MTCH2: variants seen among roughly 807,000 people sequenced by gnomAD.
The protein encoded by MTCH2 is mitochondrial carrier homolog 2.
MTCH2 carries 25 observed loss-of-function variants against 50.6 expected under a neutral mutation model. The ratio of observed to expected loss-of-function variants is 0.49; its 90% CI spans 0.36 to 0.69. The LOEUF is 0.69. Ranked by LOEUF, MTCH2 falls within the 30% of genes least tolerant of loss-of-function variation. The pLI is 0.00. For missense variants in MTCH2, 273 were observed against 384.4 expected, an observed-to-expected ratio of 0.71 and a Z score of 2.42; for synonymous variants, 106 against 132.0, an observed-to-expected ratio of 0.80 and a Z score of 1.35.
chr11:47,616,485 G>A (rs1008682473), downstream of MTCH2, among the ~76,000 whole-genome samples: 5 of 151,122 alleles, frequency 3.3e-5, no homozygotes, highest in African/African-American at 7.3e-5. Flanking sequence ...CTACAGGTGC[G>A]TGCCACCATG....
intron 8 of MTCH2, 88 bp downstream of exon 8, chr11:47,630,467 C>T: frequency 1.7e-6 from 2 of 1,177,822 alleles, no homozygotes; most frequent in Admixed American, 1.8e-5. Flanking sequence ...ACGTTTTCCC[C>T]AAGGATTAAA....
At chr11:47,614,877 CTTTTA>C (rs2097287444), downstream of MTCH2, among the ~76,000 whole-genome samples, 1 of 151,896 alleles carries the variant, frequency 6.6e-6, no homozygotes, top group Non-Finnish European at 1.5e-5. Flanking sequence ...CGCACCCAGT[CTTTTA>C]TTTTAATATA....
rs1319800776 is a variant in MTCH2 at position 47,628,981 on chromosome 11, AG to A, written c.604del (p.Leu202SerfsTer14). 6.2e-7 allele frequency: 1 copy of A among 1,613,882 alleles called. No individual in the cohort carries two copies. Among genetic ancestry groups the A allele is most frequent in the Non-Finnish European group, 8.5e-7 (1 of 1,179,920 alleles). ...SLWLCNSLAYLVNTYALDSGV... is the reference protein window; with the variant it reads ...SLWLCNSLAYXVNTYALDSGV... ...ACTGTCCAGTGCATAGGTATTGACGAGGTAGGCCAGTGAGTTACACAGCCAC... is the reference window on the plus strand; with the variant it reads ...ACTGTCCAGTGCATAGGTATTGACGAGTAGGCCAGTGAGTTACACAGCCAC... On this transcript the variant is annotated frameshift_variant, in exon 9 of 13. Transcript: ENST00000302503. LOFTEE classifies it high-confidence loss of function.
chr11:47,625,254 C>T (rs1402156490), intron 11 of MTCH2, among the ~76,000 whole-genome samples: 1 of 151,698 alleles, frequency 6.6e-6, no homozygotes, highest in African/African-American at 2.4e-5. Flanking sequence ...AACCCTGTCT[C>T]TACCAAAAAT....
chr11:47,624,960 T>C (rs1202140777), intron 11 of MTCH2, among the ~76,000 whole-genome samples: 2 of 151,908 alleles, frequency 1.3e-5, no homozygotes, highest in Admixed American at 1.3e-4. Context: ...TGGTGGCACA[T>C]GCCTGTAATC....
intron 5 of MTCH2, among the ~76,000 whole-genome samples, chr11:47,632,284 G>T (rs1172202922): frequency 6.6e-6 from 1 of 151,716 alleles, no homozygotes; most frequent in Non-Finnish European, 1.5e-5. Context: ...AAGTAATAAA[G>T]AAAATTAAAT....
At chr11:47,621,195 G>A (rs973941018) in intron 12 of MTCH2, among the ~76,000 whole-genome samples, 2 of 152,132 alleles carry the variant, frequency 1.3e-5, no homozygotes, top group African/African-American at 4.8e-5. Flanking sequence ...GGCTTTGTGG[G>A]CACACTAAGC....
the MTCH2 span, among the ~76,000 whole-genome samples, chr11:47,611,800 T>A: frequency 3.9e-5 from 6 of 152,146 alleles, no homozygotes; most frequent in African/African-American, 1.4e-4. Flanking sequence ...TTTTTCAGAG[T>A]TGCAATAAGA....
intron 9 of MTCH2, 30 bp from the exon 10 acceptor site, chr11:47,627,157 T>A: frequency 6.9e-7 from 1 of 1,447,502 alleles, no homozygotes; most frequent in Non-Finnish European, 9.6e-7. Context: ...TTAAATTAAT[T>A]ACCTACAACA....
the MTCH2 span, among the ~76,000 whole-genome samples, chr11:47,609,124 CA>C: frequency 8.9e-5 from 8 of 89,906 alleles, no homozygotes; most frequent in Admixed American, 1.4e-4. Flanking sequence ...AACTCTGTCT[CA>C]AAAAAAAAAA....
At chr11:47,638,301 C>T (rs1020942102) in intron 3 of MTCH2, among the ~76,000 whole-genome samples, 1 of 147,358 alleles carries the variant, frequency 6.8e-6, no homozygotes, top group Non-Finnish European at 1.5e-5. Flanking sequence ...GTGGCTCATG[C>T]TTGTAATCCC....
chr11:47,639,070 A>G lies in MTCH2; in HGVS notation c.88-19T>C, dbSNP rs1021517181. The G allele has an allele frequency of 2.6e-6, 4 of 1,559,572 alleles. No homozygotes were observed. The highest frequency in any genetic ancestry group is 4.5e-5 in the East Asian group (2 of 44,398). ...ATCCCACCTTTAAAAACAATGGAAT[A>G]TATCAATATTAAAGCAATATTTCCA... On this transcript the variant is annotated intron_variant, in intron 1 of 12. Transcript: ENST00000302503.
At chr11:47,638,488 G>C in intron 3 of MTCH2, among the ~76,000 whole-genome samples, 1 of 123,668 alleles carries the variant, frequency 8.1e-6, no homozygotes, top group Non-Finnish European at 1.7e-5. Context: ...GGAGTTTGCA[G>C]TGAGCCCAGA....
In MTCH2 at chr11:47,617,409, T is replaced by C. The variant is rs537705550; in HGVS notation, c.*1424A>G. The C allele has an allele frequency of 4.5e-4, 68 of 152,304 alleles. No individual in the cohort carries two copies. The highest frequency in any genetic ancestry group is 1.6e-3 in the African/African-American group (66 of 41,570). 9.4% of individuals were successfully genotyped at this position (152,304 alleles called of 1,614,324 possible). On this transcript the variant is annotated 3_prime_UTR_variant, in exon 13 of 13. Coordinates refer to ENST00000302503, the MANE Select transcript of MTCH2 (RefSeq NM_014342.4). ...ATTAAAACAAATGCAGATAGTAATA[T>C]TGAAATAGTATATAAAATTGACATT...
At chr11:47,635,080 A>G (rs999520289) in intron 4 of MTCH2, among the ~76,000 whole-genome samples, 2 of 149,208 alleles carry the variant, frequency 1.3e-5, no homozygotes, top group Non-Finnish European at 3.0e-5. Flanking sequence ...GCCGATCTTG[A>G]CGGTTTTTAT....
chr11:47,605,171 G>A, the MTCH2 span, among the ~76,000 whole-genome samples: 4 of 151,950 alleles, frequency 2.6e-5, no homozygotes, highest in African/African-American at 4.8e-5. Flanking sequence ...CTCGTGATCC[G>A]CCCGCCTCGG....
the MTCH2 span, among the ~76,000 whole-genome samples, chr11:47,608,373 G>T: frequency 5.4e-5 from 1 of 18,672 alleles, no homozygotes; most frequent in Non-Finnish European, 1.2e-4. Flanking sequence ...AGAAGAACTT[G>T]CAGGCTTTTG....
intron 3 of MTCH2, among the ~76,000 whole-genome samples, chr11:47,637,931 A>T (rs2097310184): frequency 6.6e-6 from 1 of 152,170 alleles, no homozygotes; most frequent in African/African-American, 2.4e-5. Context: ...CCTGTCTTCT[A>T]CATTTCCTGA....
intron 10 of MTCH2, among the ~76,000 whole-genome samples, chr11:47,626,845 T>C (rs2097298674): frequency 6.6e-6 from 1 of 152,036 alleles, no homozygotes; most frequent in Non-Finnish European, 1.5e-5. Context: ...ACTCCTGACC[T>C]CAGGTGATCC....
Sources: gnomAD v4.1 joint callset for allele counts (sites outside exome capture counted in the v4.1 genomes callset) on GRCh38, gnomAD v4.1.1 for gene constraint, MANE v1.5 for transcripts, NCBI Gene and HGNC (gene_info 2026-07-23, HGNC 2026-07-21) for gene names.